The following PLBD1 variants were observed in gnomAD, a reference collection of about 807,000 sequenced individuals.
PLBD1 encodes the protein lysosomal leucine aminopeptidase.
In PLBD1, 60 loss-of-function variants were observed where a neutral mutation model predicts 63.0. The observed-to-expected ratio is 0.95, with a 90% confidence interval of 0.77 to 1.18. PLBD1 has a LOEUF of 1.18. Among genes scored for constraint, PLBD1 ranks in the 50% most tolerant of loss-of-function variants. PLBD1 has a pLI of 0.00. For synonymous variants in PLBD1, 262 were observed against 248.0 expected (o/e 1.06, Z -0.53); for missense variants, 598 against 677.9 (o/e 0.88, Z 1.31).
In PLBD1 at chr12:14,552,301, G is replaced by A. The variant is rs570087390; in HGVS notation, c.335+892C>T. ...TCCTTAAAGACCTCTTCTCTAAAAG[G>A]CATGTATCCTGATTGCATTATTATT... On this transcript the variant is annotated intron_variant, in intron 2 of 10. Coordinates refer to ENST00000240617, the MANE Select transcript of PLBD1 (RefSeq NM_024829.6). Among the ~76,000 whole-genome samples the A allele has an allele frequency of 5.3e-5, 8 of 152,230 alleles. No homozygotes were observed. The South Asian group carries it at 8.3e-4, about 16-fold the overall frequency.
At chr12:14,506,113 A>G in intron 10 of PLBD1, 49 bp downstream of exon 10, 1 of 1,314,128 alleles carries the variant, frequency 7.6e-7, no homozygotes, top group Non-Finnish European at 1.1e-6. Context: ...GCCTTTGGAG[A>G]GGCCTGTGTG....
intron 3 of PLBD1, among the ~76,000 whole-genome samples, chr12:14,541,986 C>T (rs895400523): frequency 6.6e-6 from 1 of 152,078 alleles, no homozygotes; most frequent in African/African-American, 2.4e-5. Context: ...ATTGAGTATG[C>T]GATATTCAAC....
chr12:14,534,821 C>T (rs1232921892), intron 6 of PLBD1, among the ~76,000 whole-genome samples: 3 of 152,214 alleles, frequency 2.0e-5, no homozygotes, highest in Admixed American at 6.5e-5. Flanking sequence ...GGATTATAGG[C>T]GTGAGCACCT....
intron 6 of PLBD1, among the ~76,000 whole-genome samples, chr12:14,531,747 C>T (rs1381917126): frequency 6.6e-6 from 1 of 152,180 alleles, no homozygotes; most frequent in African/African-American, 2.4e-5. Context: ...TCTTCAGCCT[C>T]AGCCTCCCAA....
rs74596255 is a variant in PLBD1 at position 14,523,386 on chromosome 12, A to T, written c.845-11675T>A. On this transcript the variant is annotated intron_variant, in intron 6 of 10. Coordinates refer to ENST00000240617, the MANE Select transcript of PLBD1 (RefSeq NM_024829.6). ...ATGTTTACGGATTTGAGGAATTTTT[A>T]AAAAAATGTCCATACTAATCAAAGC... Among the ~76,000 whole-genome samples, 861 of 152,230 alleles carry T rather than the reference A, an allele frequency of 5.7e-3. 2 individuals carry two copies. Among genetic ancestry groups the T allele is most frequent in the South Asian group, 0.013 (65 of 4,822 alleles).
intron 4 of PLBD1, among the ~76,000 whole-genome samples, chr12:14,540,025 T>TAC (rs1201664222): frequency 1.3e-3 from 15 of 11,784 alleles, no homozygotes; most frequent in African/African-American, 1.5e-3. Flanking sequence ...TATATATATA[T>TAC]ATATATATAT....
rs1197765129 is a variant in PLBD1, at chr12:14,567,670, G to A, written c.27C>T (p.Arg9=). The part of the protein sequence containing the change: MTRGGPGG[R]PGLPQPPPLL... Reference sequence around the variant, plus strand: ...GCGGTGGCGGCTGTGGCAGCCCCGGGCGCCCGCCCGGACCGCCGCGGGTCA... The same window carrying A: ...GCGGTGGCGGCTGTGGCAGCCCCGGACGCCCGCCCGGACCGCCGCGGGTCA... Residue 9 remains arginine (R), a synonymous_variant, in exon 1 of 11, where the codon CGC becomes CGT. Transcript: ENST00000240617. The A allele has an allele frequency of 2.0e-6, 3 of 1,480,542 alleles. No individual in the cohort carries two copies. In the African/African-American group the frequency reaches 4.4e-5, roughly 22 times the overall value. 91.7% of individuals were successfully genotyped at this position (1,480,542 alleles called of 1,614,324 possible). A position where few individuals can be genotyped will look rare whatever the true frequency, so the allele number is the denominator to read the frequency against.
chr12:14,542,764 C>A (rs903564478), intron 2 of PLBD1, among the ~76,000 whole-genome samples: 1 of 152,120 alleles, frequency 6.6e-6, no homozygotes, highest in Non-Finnish European at 1.5e-5. Flanking sequence ...AAAGATCATA[C>A]TGGCTGGGCA....
rs1945265079 is a variant in PLBD1, at chr12:14,507,452, T to C, written c.1187-334A>G. Among the ~76,000 whole-genome samples, 3 of 152,208 alleles carry C rather than the reference T, an allele frequency of 2.0e-5. No individual in the cohort carries two copies. The South Asian group carries it at 6.2e-4, about 31-fold the overall frequency. On this transcript the variant is annotated intron_variant, in intron 8 of 10. Transcript: ENST00000240617. Reference sequence around the variant, plus strand: ...AAATAAAGTATAATGCAAGGTGGTCTGGGGAGCTCATCTAAGTGGATTTAG... The same window carrying C: ...AAATAAAGTATAATGCAAGGTGGTCCGGGGAGCTCATCTAAGTGGATTTAG...
At position 14,536,560 on chromosome 12, in the gene PLBD1, T is replaced by C. The variant is rs1244101475; in HGVS notation, c.699+10A>G. The C allele has an allele frequency of 1.2e-5, 20 of 1,613,190 alleles. No homozygotes were observed. Among genetic ancestry groups the C allele is most frequent in the Middle Eastern group, 1.6e-4 (1 of 6,080 alleles). The stretch of plus-strand genomic sequence containing the variant: ...ACCAGAACAAGGCAAAAGGAGCTGC[T>C]ATGTCTTACCTTGATAAGAGCGGAG... On this transcript the variant is annotated intron_variant, in intron 5 of 10. Coordinates refer to ENST00000240617, the MANE Select transcript of PLBD1 (RefSeq NM_024829.6).
At chr12:14,516,036 C>CA (rs200664047) in intron 6 of PLBD1, among the ~76,000 whole-genome samples, 4,883 of 148,956 alleles carry the variant, frequency 0.033, 110 homozygotes, top group Admixed American at 0.055. Flanking sequence ...GACTCCATCT[C>CA]AAAAAAAAAC....
intron 6 of PLBD1, among the ~76,000 whole-genome samples, chr12:14,535,120 G>C (rs1945502236): frequency 6.6e-6 from 1 of 152,304 alleles, no homozygotes; most frequent in Non-Finnish European, 1.5e-5. Context: ...ACAGTATCCA[G>C]TAATATTATT....
At chr12:14,551,872 G>T (rs1348685157) in intron 2 of PLBD1, among the ~76,000 whole-genome samples, 1 of 152,138 alleles carries the variant, frequency 6.6e-6, no homozygotes, top group Non-Finnish European at 1.5e-5. Flanking sequence ...GAGAAGTTCA[G>T]ATTTTTACCT....
At chr12:14,507,425 C>A (rs1165225289) in intron 8 of PLBD1, among the ~76,000 whole-genome samples, 2 of 152,220 alleles carry the variant, frequency 1.3e-5, no homozygotes, top group East Asian at 3.9e-4. Context: ...CTCTATAGAG[C>A]AAAATAAAGT....
chr12:14,551,085 C>A (rs927652150), intron 2 of PLBD1, among the ~76,000 whole-genome samples: 3 of 151,470 alleles, frequency 2.0e-5, no homozygotes, highest in South Asian at 4.2e-4. Flanking sequence ...TTAATACAGG[C>A]CTGGCGTGGT....
intron 6 of PLBD1, 65 bp from the exon 7 acceptor site, chr12:14,511,776 A>T: frequency 1.4e-6 from 2 of 1,464,798 alleles, no homozygotes; most frequent in Non-Finnish European, 1.9e-6. Context: ...ATCATTATTG[A>T]CAAAGAGCTT....
chr12:14,556,411 C>T (rs1387697553), intron 1 of PLBD1, among the ~76,000 whole-genome samples: 4 of 151,888 alleles, frequency 2.6e-5, no homozygotes, highest in African/African-American at 7.3e-5. Flanking sequence ...CCTCTGTCAT[C>T]CAGGGTGGAG....
intron 2 of PLBD1, among the ~76,000 whole-genome samples, chr12:14,549,398 T>C (rs1006811909): frequency 6.6e-6 from 1 of 152,178 alleles, no homozygotes; most frequent in African/African-American, 2.4e-5. Context: ...CATCAAAGAC[T>C]GCAAAGCAGA....
intron 2 of PLBD1, among the ~76,000 whole-genome samples, chr12:14,543,320 C>T (rs908154028): frequency 6.6e-6 from 1 of 152,114 alleles, no homozygotes; most frequent in Admixed American, 6.5e-5. Flanking sequence ...TTCCTCCAAA[C>T]ATAAAGCATA....
Sources: gnomAD v4.1 joint callset for allele counts (sites outside exome capture counted in the v4.1 genomes callset) on GRCh38, gnomAD v4.1.1 for gene constraint, MANE v1.5 for transcripts, NCBI Gene and HGNC (gene_info 2026-07-23, HGNC 2026-07-21) for gene names.